The following ZMYM4 variants were observed in gnomAD, a reference collection of about 807,000 sequenced individuals.
ZMYM4 encodes the protein zinc finger MYM-type protein 4.
A neutral mutation model predicts 183.2 loss-of-function variants in ZMYM4; 31 were observed. That is an observed-to-expected ratio of 0.17 (90% CI 0.13 to 0.23). The LOEUF is 0.23. ZMYM4 is among the 10% of genes least tolerant of loss of function. The pLI, the probability that ZMYM4 is intolerant of heterozygous loss-of-function variation, is 1.00. For missense variants in ZMYM4, 1,273 were observed against 1,840.3 expected, an observed-to-expected ratio of 0.69 and a Z score of 5.64; for synonymous variants, 592 against 631.2, an observed-to-expected ratio of 0.94 and a Z score of 0.93.
intron 1 of ZMYM4, among the ~76,000 whole-genome samples, chr1:35,309,565 C>T (rs1040059994): frequency 2.6e-5 from 4 of 152,074 alleles, no homozygotes; most frequent in Admixed American, 6.6e-5. Flanking sequence ...ACTAGGTTAT[C>T]CTGTCTCATC....
intron 1 of ZMYM4, among the ~76,000 whole-genome samples, chr1:35,304,638 A>G (rs1235080701): frequency 8.2e-6 from 1 of 121,708 alleles, no homozygotes. Context: ...TTTTTTTTGT[A>G]TTTTTTTTTT....
Position 35,398,934 on chromosome 1 carries a change from G to A in ZMYM4, c.3324G>A (p.Glu1108=). 1 of 1,614,174 alleles carries A rather than the reference G, an allele frequency of 6.2e-7. No homozygotes were observed. Among genetic ancestry groups the A allele is most frequent in the Non-Finnish European group, 8.5e-7 (1 of 1,180,002 alleles). ...CTACTCCACATAGCTGGGAGGAAGA[G>A]CTGAATCACTATGCCTTAAAGTCAA... The part of the protein sequence containing the change: ...AVSTPHSWEE[E]LNHYALKSNA... Residue 1108 remains glutamate, a synonymous_variant, in exon 22 of 30, where the codon GAG becomes GAA. Transcript: ENST00000314607.
chr1:35,323,939 A>G (rs914481615), intron 1 of ZMYM4, among the ~76,000 whole-genome samples: 1 of 152,104 alleles, frequency 6.6e-6, no homozygotes, highest in African/African-American at 2.4e-5. Flanking sequence ...GACCTTCACT[A>G]TTAGTTTGCT....
chr1:35,391,045 A>G (rs1644694342), intron 15 of ZMYM4, among the ~76,000 whole-genome samples: 1 of 152,242 alleles, frequency 6.6e-6, no homozygotes, highest in Non-Finnish European at 1.5e-5. Context: ...AAAAATTAAA[A>G]TAAAATAAAA....
intron 1 of ZMYM4, among the ~76,000 whole-genome samples, chr1:35,273,595 A>C (rs1639723432): frequency 6.6e-6 from 1 of 152,186 alleles, no homozygotes; most frequent in Non-Finnish European, 1.5e-5. Context: ...TGTGTGTATT[A>C]AATTTGAGAT....
At chr1:35,276,449 C>A (rs76772283) in intron 1 of ZMYM4, among the ~76,000 whole-genome samples, 1 of 152,162 alleles carries the variant, frequency 6.6e-6, no homozygotes, top group Non-Finnish European at 1.5e-5. Context: ...CTGTTACGAC[C>A]TAACAAAAGA....
At position 35,317,997 on chromosome 1, in the gene ZMYM4, C is replaced by A. The variant is rs193058753; in HGVS notation, c.40-7363C>A. Among the ~76,000 whole-genome samples the A allele has an allele frequency of 2.1e-4, 32 of 149,092 alleles. 1 individual carries two copies. Among genetic ancestry groups the A allele is most frequent in the Admixed American group, 1.8e-3 (27 of 14,956 alleles). On this transcript the variant is annotated intron_variant, in intron 1 of 29. Transcript: ENST00000314607. ...AACTCGTTGAGATACTCAAAAGATT[C>A]AAAGAGCAAAGGGTATAATTTTGGA... is the stretch of plus-strand genomic sequence containing the variant.
chr1:35,384,841 CTTTTT>C lies in ZMYM4; in HGVS notation c.1570-587_1570-583del, dbSNP rs748891728. ...CCAGCATTATTATTTTTTTCTTTTT[CTTTTT>C]TTTTTTTTTTTTTGAGGTGGAATCT... On this transcript the variant is annotated intron_variant, in intron 9 of 29. Transcript: ENST00000314607. Among the ~76,000 whole-genome samples, 4 of 127,412 alleles carry C rather than the reference CTTTTT, an allele frequency of 3.1e-5. No homozygotes were observed. The East Asian group carries it at 6.5e-4, about 21-fold the overall frequency. The allele number at this position is 127,412 out of a possible 152,430, so 83.6% of individuals were successfully genotyped here.
In ZMYM4 at chr1:35,368,623, A is replaced by G. The variant is rs548204675; in HGVS notation, c.841-1406A>G. Among the ~76,000 whole-genome samples, 10 of 152,336 alleles carry G rather than the reference A, an allele frequency of 6.6e-5. No homozygotes were observed. The South Asian group carries it at 1.4e-3, about 22-fold the overall frequency. On this transcript the variant is annotated intron_variant, in intron 5 of 29. Coordinates refer to ENST00000314607, the MANE Select transcript of ZMYM4 (RefSeq NM_005095.3). ...AGAACATTTTTTGGGGAGGAAAACA[A>G]CCTGTCATTATGTATCAAGAACCTT...
chr1:35,419,288 G>A (rs896145011), intron 29 of ZMYM4, among the ~76,000 whole-genome samples, 182 bp from the exon 30 acceptor site: 4 of 152,030 alleles, frequency 2.6e-5, no homozygotes, highest in African/African-American at 9.7e-5. Flanking sequence ...CCCATTGTGA[G>A]TCACAGTGGA....
intron 2 of ZMYM4, among the ~76,000 whole-genome samples, chr1:35,328,446 AT>A (rs1372018741): frequency 6.4e-5 from 9 of 139,920 alleles, no homozygotes; most frequent in African/African-American, 2.6e-4. Context: ...TGCCTGGCTA[AT>A]TTTTTAATTT....
chr1:35,400,618 G>A (rs1277157069), intron 23 of ZMYM4, among the ~76,000 whole-genome samples: 3 of 152,100 alleles, frequency 2.0e-5, no homozygotes, highest in Non-Finnish European at 2.9e-5. Context: ...TTTAAAATTA[G>A]CCCTATTGTA....
intron 1 of ZMYM4, among the ~76,000 whole-genome samples, chr1:35,284,597 G>A (rs544498715): frequency 3.2e-4 from 48 of 152,138 alleles, no homozygotes; most frequent in African/African-American, 6.5e-4. Flanking sequence ...GTTGACCATC[G>A]TATCAGTTTG....
intron 5 of ZMYM4, among the ~76,000 whole-genome samples, chr1:35,366,917 G>A (rs757623833): frequency 1.3e-5 from 2 of 151,838 alleles, no homozygotes; most frequent in Non-Finnish European, 2.9e-5. Context: ...ACAGCTACTC[G>A]GGAGACTGAG....
At chr1:35,392,383 C>T (rs1212492790) in intron 16 of ZMYM4, 31 bp downstream of exon 16, 1 of 1,600,956 alleles carries the variant, frequency 6.2e-7, no homozygotes, top group Admixed American at 1.7e-5. Context: ...ATTTATCTAG[C>T]CTATTTAGGT....
At chr1:35,302,267 G>A (rs916212136) in intron 1 of ZMYM4, among the ~76,000 whole-genome samples, 1 of 138,922 alleles carries the variant, frequency 7.2e-6, no homozygotes, top group Admixed American at 7.8e-5. Flanking sequence ...GGGTGCAGTG[G>A]CACCATCACA....
At chr1:35,369,125 A>G (rs1644151566) in intron 5 of ZMYM4, among the ~76,000 whole-genome samples, 1 of 152,174 alleles carries the variant, frequency 6.6e-6, no homozygotes, top group Non-Finnish European at 1.5e-5. Flanking sequence ...AAAAAAGGAG[A>G]TATATCTGAG....
At position 35,403,744 on chromosome 1, in the gene ZMYM4, TTAAC is replaced by T. The variant is rs775079156; in HGVS notation, c.3529-1276_3529-1273del. On this transcript the variant is annotated intron_variant, in intron 23 of 29. Transcript: ENST00000314607. The stretch of plus-strand genomic sequence containing the variant: ...CTATGATAGAATTTGTATAATTTCT[TTAAC>T]TATGATAGAATTTGTATAATTTCTT... Among the ~76,000 whole-genome samples, 384 of 152,332 alleles carry T rather than the reference TTAAC, an allele frequency of 2.5e-3. 1 individual carries two copies. Among genetic ancestry groups the T allele is most frequent in the Non-Finnish European group, 4.1e-3 (277 of 68,036 alleles).
intron 1 of ZMYM4, among the ~76,000 whole-genome samples, chr1:35,313,384 CTTTTTCTTTTT>C (rs1469226995): frequency 3.5e-5 from 3 of 85,570 alleles, no homozygotes; most frequent in Non-Finnish European, 9.9e-5. Context: ...TTTTCTTTTT[CTTTTTCTTTTT>C]TTTTTTTTTT....
Sources: gnomAD v4.1 joint callset for allele counts (sites outside exome capture counted in the v4.1 genomes callset) on GRCh38, gnomAD v4.1.1 for gene constraint, MANE v1.5 for transcripts, NCBI Gene and HGNC (gene_info 2026-07-23, HGNC 2026-07-21) for gene names.